The following TMEM184A variants were observed in gnomAD, a reference collection of about 807,000 sequenced individuals.
TMEM184A encodes the protein sexually dimorphic, expressed in male gonads 1.
TMEM184A carries 40 observed loss-of-function variants against 39.5 expected under a neutral mutation model. That is an observed-to-expected ratio of 1.01 (90% CI 0.79 to 1.32). The LOEUF (loss-of-function observed/expected upper bound fraction) is 1.32. TMEM184A is among the 40% of genes most tolerant of loss of function. TMEM184A has a pLI of 0.00. For synonymous variants in TMEM184A, 280 were observed against 252.3 expected, an observed-to-expected ratio of 1.11 and a Z score of -1.04; for missense variants, 603 against 568.8, an observed-to-expected ratio of 1.06 and a Z score of -0.61.
intron 2 of TMEM184A, among the ~76,000 whole-genome samples, chr7:1,551,995 T>C (rs1784619157): frequency 6.6e-6 from 1 of 151,928 alleles, no homozygotes; most frequent in African/African-American, 2.4e-5. Flanking sequence ...CAGGTTTTTT[T>C]TGAGACAGGG....
chr7:1,547,017 A>AGCC lies in TMEM184A; in HGVS notation c.1174_1176dup (p.Gly392dup), dbSNP rs112463195. 0.54 allele frequency: 858,132 copies of AGCC among 1,595,860 alleles called. 231,447 individuals carry two copies. Among genetic ancestry groups the AGCC allele is most frequent in the East Asian group, 0.66 (29,187 of 44,536 alleles). ...CTCCGGCTCTTCCTGCTCCCGCCGG[A>AGCC]GCCGCCGCTGGGGTGGGTGCCGGGC... On this transcript the variant is annotated inframe_insertion, in exon 9 of 9. Transcript: ENST00000297477.
Position 1,555,122 on chromosome 7 carries a change from A to G in TMEM184A, c.219+144T>C. The G allele has an allele frequency of 1.6e-6, 1 of 636,856 alleles. No homozygotes were observed. The highest frequency in any genetic ancestry group is 1.9e-5 in the African/African-American group (1 of 53,150). 39.5% of individuals were successfully genotyped at this position (636,856 alleles called of 1,614,324 possible). On this transcript the variant is annotated intron_variant, in intron 2 of 8. Coordinates refer to ENST00000297477, the MANE Select transcript of TMEM184A (RefSeq NM_001097620.2). This position sits in a 1 kb window ranked among gnomAD's most constrained non-coding sequence, Gnocchi z 5.2. Reference sequence around the variant, plus strand: ...AGCTCCCACATGCCACATCCTGGGGAAGCTCATCCCCTCCCCCGTGCCCTG... The same window carrying G: ...AGCTCCCACATGCCACATCCTGGGGGAGCTCATCCCCTCCCCCGTGCCCTG...
chr7:1,543,833 A>T lies in TMEM184A; in HGVS notation c.*3119T>A, dbSNP rs190782142. ...TTTTTTGTAGAGATGGGGTTTCACC[A>T]TGTTGCCCAGGCTGGTCTCAGACTC... On this transcript the variant is annotated 3_prime_UTR_variant, in exon 9 of 9. Transcript: ENST00000297477. 1.3e-5 allele frequency: 2 copies of T among 151,758 alleles called. No homozygotes were observed. The highest frequency in any genetic ancestry group is 2.9e-5 in the Non-Finnish European group (2 of 67,956). The allele number at this position is 151,758 out of a possible 1,614,324, so 9.4% of individuals were successfully genotyped here.
Position 1,549,964 on chromosome 7 carries a change from G to A in TMEM184A, c.553-19C>T, listed in dbSNP as rs368638485. 2.6e-5 allele frequency: 42 copies of A among 1,611,388 alleles called. No homozygotes were observed. The highest frequency in any genetic ancestry group is 4.5e-5 in the East Asian group (2 of 44,870). On this transcript the variant is annotated intron_variant, in intron 5 of 8. Coordinates refer to ENST00000297477, the MANE Select transcript of TMEM184A (RefSeq NM_001097620.2). ...GAGTGGCCTGGGGGCGACGGCACCC[G>A]GTGGGCCTGGGGCCAGGTCCCCCAG...
Position 1,546,096 on chromosome 7 carries a change from C to CACGA in TMEM184A, c.*852_*855dup, listed in dbSNP as rs1463226569. 1 of 152,596 alleles carries CACGA rather than the reference C, an allele frequency of 6.6e-6. No individual in the cohort carries two copies. The highest frequency in any genetic ancestry group is 1.9e-4 in the East Asian group (1 of 5,204). The allele number at this position is 152,596 out of a possible 1,614,324, so 9.5% of individuals were successfully genotyped here. On this transcript the variant is annotated 3_prime_UTR_variant, in exon 9 of 9. Coordinates refer to ENST00000297477, the MANE Select transcript of TMEM184A (RefSeq NM_001097620.2). Reference sequence around the variant, plus strand: ...GGCTCTGCCCTGCACTGCCCTGGACCACGAGGCTGCCCACCCCAGACAGGT... The same window carrying CACGA: ...GGCTCTGCCCTGCACTGCCCTGGACCACGAACGAGGCTGCCCACCCCAGACAGGT...
At chr7:1,549,069 C>T (rs1272148470) in intron 6 of TMEM184A, 5 of 490,394 alleles carry the variant, frequency 1.0e-5, no homozygotes, top group East Asian at 5.8e-5. Flanking sequence ...AGGTGTCGTT[C>T]CCGTGTGAGT....
In TMEM184A at chr7:1,542,280, A is replaced by G. The variant is rs941506209; in HGVS notation, c.*4672T>C. The G allele has an allele frequency of 6.6e-6, 1 of 152,662 alleles. No individual in the cohort carries two copies. The highest frequency in any genetic ancestry group is 1.5e-5 in the Non-Finnish European group (1 of 68,056). 9.5% of individuals were successfully genotyped at this position (152,662 alleles called of 1,614,324 possible). On this transcript the variant is annotated 3_prime_UTR_variant, in exon 9 of 9. Transcript: ENST00000297477. ...CACAGTTTATCTACAGATTTTTCGT[A>G]ACAATCTTTCTTTTCCAGTTTGATA...
At chr7:1,549,596 A>C in intron 6 of TMEM184A, 1 of 590,666 alleles carries the variant, frequency 1.7e-6, no homozygotes. Flanking sequence ...CTTGGCAGGC[A>C]CCGAGGTCCT....
At chr7:1,549,451 A>G (rs1784494431) in intron 6 of TMEM184A, 1 of 424,656 alleles carries the variant, frequency 2.4e-6, no homozygotes, top group Non-Finnish European at 4.8e-6. Flanking sequence ...CTTAATGCCA[A>G]GAGTGCTCAA....
chr7:1,554,708 C>T lies in TMEM184A; in HGVS notation c.219+558G>A, dbSNP rs1040678141. Among the ~76,000 whole-genome samples the T allele has an allele frequency of 2.0e-5, 3 of 152,218 alleles. 1 individual carries two copies. Among genetic ancestry groups the T allele is most frequent in the Admixed American group, 6.5e-5 (1 of 15,286 alleles). Reference sequence around the variant, plus strand: ...TACCTGGGGGCTGTTCTGTTCCCACCTGGGGACTGCTCCGGGTCGGGGGCT... The same window carrying T: ...TACCTGGGGGCTGTTCTGTTCCCACTTGGGGACTGCTCCGGGTCGGGGGCT... On this transcript the variant is annotated intron_variant, in intron 2 of 8. Transcript: ENST00000297477.
Position 1,546,098 on chromosome 7 carries a change from C to CGAG in TMEM184A, c.*851_*853dup, listed in dbSNP as rs1583210670. The CGAG allele has an allele frequency of 6.5e-6, 1 of 152,712 alleles. No homozygotes were observed. The highest frequency in any genetic ancestry group is 1.9e-4 in the East Asian group (1 of 5,184). The allele number at this position is 152,712 out of a possible 1,614,324, so 9.5% of individuals were successfully genotyped here. On this transcript the variant is annotated 3_prime_UTR_variant, in exon 9 of 9. Transcript: ENST00000297477. Reference sequence around the variant, plus strand: ...CTCTGCCCTGCACTGCCCTGGACCACGAGGCTGCCCACCCCAGACAGGTGG... The same window carrying CGAG: ...CTCTGCCCTGCACTGCCCTGGACCACGAGGAGGCTGCCCACCCCAGACAGGTGG...
chr7:1,548,997 C>T (rs1017825363), intron 6 of TMEM184A: 23 of 563,354 alleles, frequency 4.1e-5, no homozygotes, highest in Middle Eastern at 2.7e-4. Context: ...TCTGTCGGAA[C>T]GCCACCTCCC....
intron 8 of TMEM184A, 37 bp from the exon 9 acceptor site, chr7:1,547,218 C>A (rs746781205): frequency 7.9e-7 from 1 of 1,259,854 alleles, no homozygotes; most frequent in Non-Finnish European, 1.1e-6. Context: ...ACCATCCCCC[C>A]TGCACTCCAG....
At position 1,550,839 on chromosome 7, in the gene TMEM184A, G is replaced by A. The variant is rs369091349; in HGVS notation, c.363C>T (p.Asp121=). The A allele has an allele frequency of 6.2e-7, 1 of 1,613,300 alleles. No individual in the cohort carries two copies. Among genetic ancestry groups the A allele is most frequent in the Non-Finnish European group, 8.5e-7 (1 of 1,179,924 alleles). ...LGDHQYYVYF[D]SVRDCYEAFV... is the part of the protein sequence containing the mutation. ...CACCTTCGTAGCAGTCCCGCACAGA[G>A]TCGAAGTAGACGTAGTACTGGTGGT... The change falls in exon 3 of 9, where the codon GAC becomes GAT. Residue 121 remains aspartate, a synonymous_variant. Transcript: ENST00000297477.
rs879873978 is a variant in TMEM184A at position 1,543,803 on chromosome 7, AT to A, written c.*3148del. On this transcript the variant is annotated 3_prime_UTR_variant, in exon 9 of 9. Coordinates refer to ENST00000297477, the MANE Select transcript of TMEM184A (RefSeq NM_001097620.2). ...ACCACCACGCCCAGCTAATTTTTGTATTTTTTTTTTGTAGAGATGGGGTTTC... is the reference window on the plus strand; with the variant it reads ...ACCACCACGCCCAGCTAATTTTTGTATTTTTTTTTGTAGAGATGGGGTTTC... 3.4e-5 allele frequency: 5 copies of A among 148,038 alleles called. No homozygotes were observed. Among genetic ancestry groups the A allele is most frequent in the Non-Finnish European group, 4.5e-5 (3 of 66,736 alleles). 9.2% of individuals were successfully genotyped at this position (148,038 alleles called of 1,614,324 possible).
Position 1,550,869 on chromosome 7 carries a change from G to C in TMEM184A, c.333C>G (p.Leu111=). 3 of 1,613,470 alleles carry C rather than the reference G, an allele frequency of 1.9e-6. No homozygotes were observed. Among genetic ancestry groups the C allele is most frequent in the Non-Finnish European group, 2.5e-6 (3 of 1,179,834 alleles). The change falls in exon 3 of 9, where the codon CTC becomes CTG. Residue 111 remains leucine (L), a synonymous_variant. Coordinates refer to ENST00000297477, the MANE Select transcript of TMEM184A (RefSeq NM_001097620.2). ...AGTAGACGTAGTACTGGTGGTCTCC[G>C]AGGAGGAGGAGGCTGAGCCAGGAGT... ...AFDSWLSLLL[L]GDHQYYVYFD... is the part of the protein sequence containing the mutation.
rs1020407669 is a variant in TMEM184A at position 1,544,505 on chromosome 7, T to C, written c.*2447A>G. On this transcript the variant is annotated 3_prime_UTR_variant, in exon 9 of 9. Transcript: ENST00000297477. ...GCCTGTCACCGGGAAACCCCTTTTT[T>C]AGCAGCGATGACGACACTGGAACCA... 6.6e-6 allele frequency: 1 copy of C among 152,320 alleles called. No individual in the cohort carries two copies. Among genetic ancestry groups the C allele is most frequent in the African/African-American group, 2.4e-5 (1 of 41,456 alleles). The allele number at this position is 152,320 out of a possible 1,614,324, so 9.4% of individuals were successfully genotyped here.
In TMEM184A at chr7:1,550,180, G is replaced by T. The variant is rs1187389115; in HGVS notation, c.495C>A (p.Gly165=). ...GKPIKSSCLY[G]TCCLRGMTYS... is the part of the protein sequence containing the mutation. ...AGGTCATGCCCCGGAGGCAGCAGGT[G>T]CCGTACAAGCAGCTGGACCTGCGGG... The change falls in exon 5 of 9, where the codon GGC becomes GGA. Residue 165 remains glycine, a synonymous_variant. Transcript: ENST00000297477. The T allele has an allele frequency of 6.2e-7, 1 of 1,608,614 alleles. No individual in the cohort carries two copies. The highest frequency in any genetic ancestry group is 2.2e-5 in the East Asian group (1 of 44,714).
Position 1,555,452 on chromosome 7 carries a change from G to A in TMEM184A, c.33C>T (p.Ala11=), listed in dbSNP as rs556694929. 6.8e-5 allele frequency: 110 copies of A among 1,609,418 alleles called. 2 individuals carry two copies. The highest frequency in any genetic ancestry group is 4.7e-4 in the South Asian group (43 of 91,060). ...AGTTCGCTGACACCAGGGGGACGCC[G>A]GCTGTCTCCAGGATCCCTGAGACAT... MSNVSGILET[A]GVPLVSANWP... The change falls in exon 2 of 9, where the codon GCC becomes GCT. Residue 11 remains alanine, a synonymous_variant. Transcript: ENST00000297477. The surrounding 1 kb of genome is among the most constrained non-coding windows in gnomAD (Gnocchi z 5.2).
Sources: allele counts gnomAD v4.1 joint callset (sites outside exome capture counted in the v4.1 genomes callset), GRCh38; gene constraint gnomAD v4.1.1; non-coding constraint Gnocchi (gnomAD v3.1); transcripts MANE v1.5; gene names NCBI Gene and HGNC (gene_info 2026-07-23, HGNC 2026-07-21).